ZNF423: variants seen among roughly 807,000 people sequenced by gnomAD.
ZNF423 encodes the protein Ebf-associated zinc finger protein.
ZNF423 carries 12 observed loss-of-function variants against 95.8 expected under a neutral mutation model. That is an observed-to-expected ratio of 0.13 (90% confidence interval 0.08 to 0.20). ZNF423 has a LOEUF of 0.20. Among genes scored for constraint, ZNF423 ranks in the 10% least tolerant of loss-of-function variants. The pLI is 1.00. For synonymous variants in ZNF423, 749 were observed against 711.9 expected, an observed-to-expected ratio of 1.05 and a Z score of -0.83; for missense variants, 1,316 against 1,737.1, an observed-to-expected ratio of 0.76 and a Z score of 4.31.
chr16:49,547,323 G>A (rs1969475464), intron 5 of ZNF423, among the ~76,000 whole-genome samples: 1 of 152,070 alleles, frequency 6.6e-6, no homozygotes. Flanking sequence ...TAGCCACAAG[G>A]CTTCACCCAA....
intron 3 of ZNF423, among the ~76,000 whole-genome samples, chr16:49,708,793 C>T (rs980847107): frequency 1.3e-5 from 2 of 152,200 alleles, no homozygotes; most frequent in Non-Finnish European, 2.9e-5. Flanking sequence ...CTGTTCCCCC[C>T]AGCACACCCT....
intron 5 of ZNF423, 34 bp from the exon 6 acceptor site, chr16:49,525,528 G>C: frequency 6.2e-7 from 1 of 1,612,786 alleles, no homozygotes; most frequent in Non-Finnish European, 8.5e-7. Context: ...TCAGTGACCA[G>C]CATGCCATGT....
intron 3 of ZNF423, among the ~76,000 whole-genome samples, chr16:49,644,151 T>A (rs973177254): frequency 6.6e-6 from 1 of 151,946 alleles, no homozygotes; most frequent in Admixed American, 6.6e-5. Flanking sequence ...GCCCACAGAC[T>A]CACAGGAGTG....
chr16:49,837,376 C>A (rs988577042), intron 1 of ZNF423, among the ~76,000 whole-genome samples: 1 of 152,184 alleles, frequency 6.6e-6, no homozygotes, highest in Non-Finnish European at 1.5e-5. Context: ...CAGACCCCCA[C>A]AACCTACTCC....
intron 2 of ZNF423, among the ~76,000 whole-genome samples, chr16:49,774,012 C>T (rs1348402115): frequency 2.6e-5 from 4 of 152,192 alleles, no homozygotes; most frequent in African/African-American, 7.2e-5. Flanking sequence ...AGGGCAGAAC[C>T]ACAGGAGCCT....
rs1046079241 is a variant in ZNF423 at position 49,489,914 on chromosome 16, T to C, written c.*1361A>G. ...CCTGGGAGGCCAGCAGGGCCAGGAGTAGGTGAAATAAGCAAGGTGCCTAGA... is the reference window on the plus strand; with the variant it reads ...CCTGGGAGGCCAGCAGGGCCAGGAGCAGGTGAAATAAGCAAGGTGCCTAGA... On this transcript the variant is annotated 3_prime_UTR_variant, in exon 8 of 8. Coordinates refer to ENST00000563137, the MANE Select transcript of ZNF423 (RefSeq NM_001379286.1). The C allele has an allele frequency of 6.6e-6, 1 of 151,692 alleles. No homozygotes were observed. The highest frequency in any genetic ancestry group is 2.4e-5 in the African/African-American group (1 of 41,156). 9.4% of individuals were successfully genotyped at this position (151,692 alleles called of 1,614,324 possible). A position where few individuals can be genotyped will look rare whatever the true frequency, so the allele number is the denominator to read the frequency against.
chr16:49,616,212 G>C lies in ZNF423; in HGVS notation c.3601+9958C>G, dbSNP rs989294432. On this transcript the variant is annotated intron_variant, in intron 5 of 7. Transcript: ENST00000563137. ...GGGGACATTATGTTAAGTGGAATAA[G>C]TCAGGCACAGAAAGACAAATGTCCC... Among the ~76,000 whole-genome samples, 3 of 152,204 alleles carry C rather than the reference G, an allele frequency of 2.0e-5. No individual in the cohort carries two copies. In the East Asian group the frequency reaches 5.8e-4, roughly 29 times the overall value.
chr16:49,761,420 A>G (rs946177387), intron 2 of ZNF423, among the ~76,000 whole-genome samples: 3 of 152,228 alleles, frequency 2.0e-5, no homozygotes, highest in African/African-American at 7.2e-5. Context: ...GCTCAAATGC[A>G]GATTCTGCTT....
chr16:49,635,907 A>G lies in ZNF423; in HGVS notation c.3269T>C (p.Leu1090Pro). Residue 1090 changes from leucine to proline, a missense_variant, in exon 4 of 8, where the codon CTT (leucine) becomes CCT (proline). Transcript: ENST00000563137. This position sits in a 1 kb window ranked among gnomAD's most constrained non-coding sequence, Gnocchi z 4.8. ...GCCGTAGGGCAGCCCATTGACGTCA[A>G]GCTTCACCAGGTCCTGCTTGCTGCG... ...EFRSKQDLVK[L>P]DVNGLPYGLC... is the part of the protein sequence containing the mutation. 1 of 1,583,400 alleles carries G rather than the reference A, an allele frequency of 6.3e-7. No homozygotes were observed. The highest frequency in any genetic ancestry group is 8.6e-7 in the Non-Finnish European group (1 of 1,165,060).
chr16:49,810,160 GC>G (rs2034729515), intron 1 of ZNF423, among the ~76,000 whole-genome samples: 2 of 152,032 alleles, frequency 1.3e-5, no homozygotes, highest in Non-Finnish European at 2.9e-5. Context: ...GGGAGTCCTG[GC>G]ACCTGGAGAT....
Position 49,707,573 on chromosome 16 carries a change from C to T in ZNF423, c.301+23198G>A, listed in dbSNP as rs187421797. Among the ~76,000 whole-genome samples, 143 of 149,342 alleles carry T rather than the reference C, an allele frequency of 9.6e-4. 2 individuals carry two copies. The highest frequency in any genetic ancestry group is 3.2e-3 in the African/African-American group (128 of 40,506). On this transcript the variant is annotated intron_variant, in intron 3 of 7. Coordinates refer to ENST00000563137, the MANE Select transcript of ZNF423 (RefSeq NM_001379286.1). ...GGGAGGTTGTAGTGAGCCGAGACCA[C>T]GCCATTGCACTCCAGCCTGGGCGAC...
intron 3 of ZNF423, among the ~76,000 whole-genome samples, chr16:49,651,832 G>A (rs543554784): frequency 6.6e-6 from 1 of 152,242 alleles, no homozygotes; most frequent in South Asian, 2.1e-4. Context: ...ATGGTTTGAG[G>A]GGACACAAGA....
At chr16:49,844,153 G>A (rs945054161) in intron 1 of ZNF423, among the ~76,000 whole-genome samples, 5 of 150,916 alleles carry the variant, frequency 3.3e-5, no homozygotes, top group Non-Finnish European at 7.4e-5. Context: ...ATGGTGACTC[G>A]CACCTATAGT....
At chr16:49,691,501 G>C (rs1190431545) in intron 3 of ZNF423, among the ~76,000 whole-genome samples, 1 of 152,198 alleles carries the variant, frequency 6.6e-6, no homozygotes, top group Non-Finnish European at 1.5e-5. Context: ...GGGAGGCCTA[G>C]GCGGGCGGAT....
At chr16:49,655,436 C>G (rs1450567495) in intron 3 of ZNF423, among the ~76,000 whole-genome samples, 2 of 152,132 alleles carry the variant, frequency 1.3e-5, no homozygotes, top group Non-Finnish European at 2.9e-5. Context: ...TCAAGGAAAA[C>G]AGTGATCAGT....
At chr16:49,727,559 G>A (rs61493221) in intron 3 of ZNF423, among the ~76,000 whole-genome samples, 34,113 of 151,814 alleles carry the variant, frequency 0.22, 4,341 homozygotes, top group Non-Finnish European at 0.3. Flanking sequence ...CACGGTCACC[G>A]CCCACAAATA....
At chr16:49,697,416 T>A (rs923683966) in intron 3 of ZNF423, among the ~76,000 whole-genome samples, 12 of 152,108 alleles carry the variant, frequency 7.9e-5, no homozygotes, top group African/African-American at 2.9e-4. Context: ...AAAATGCTAA[T>A]TACCTACCAA....
chr16:49,644,766 G>T (rs1387748175), intron 3 of ZNF423, among the ~76,000 whole-genome samples: 1 of 150,766 alleles, frequency 6.6e-6, no homozygotes, highest in African/African-American at 2.4e-5. Flanking sequence ...CAGTCCTCAG[G>T]GCCTCTTGTG....
Position 49,637,139 on chromosome 16 carries a change from A to C in ZNF423, c.2037T>G (p.Phe679Leu). 1 of 1,613,592 alleles carries C rather than the reference A, an allele frequency of 6.2e-7. No individual in the cohort carries two copies. Among genetic ancestry groups the C allele is most frequent in the Non-Finnish European group, 8.5e-7 (1 of 1,179,986 alleles). The change falls in exon 4 of 8, where the codon TTT becomes TTG. Residue 679 changes from phenylalanine (F) to leucine (L), a missense_variant. Phe to Leu is a conservative substitution (Grantham distance 22). This residue lies in a region of ZNF423 where 620 missense variants were observed against 775.6 expected (regional missense o/e 0.80). Coordinates refer to ENST00000563137, the MANE Select transcript of ZNF423 (RefSeq NM_001379286.1). The surrounding 1 kb of genome is among the most constrained non-coding windows in gnomAD (Gnocchi z 5.6). ...KQACPQCKED[F>L]DSQESLLQHL... ...GCTGCAGGAGGGACTCCTGGGAGTC[A>C]AAGTCCTCTTTGCACTGGGGGCACG...
Sources: gnomAD v4.1 joint callset for allele counts (sites outside exome capture counted in the v4.1 genomes callset) on GRCh38, gnomAD v4.1.1 for gene constraint, gnomAD v4.1.1 regional missense constraint, Gnocchi (gnomAD v3.1) non-coding constraint, MANE v1.5 for transcripts, NCBI Gene and HGNC (gene_info 2026-07-23, HGNC 2026-07-21) for gene names.